Variants in GSG1L observed in about 807,000 individuals in gnomAD.
GSG1L encodes the protein germ cell-specific gene 1-like protein.
Under a neutral mutation model 42.1 loss-of-function variants are expected in GSG1L, and 24 were observed. The ratio of observed to expected loss-of-function variants is 0.57; its 90% CI spans 0.41 to 0.80. The LOEUF (loss-of-function observed/expected upper bound fraction) is 0.80, where lower values mean the gene tolerates loss of function less well. Among genes scored for constraint, GSG1L ranks in the 30% least tolerant of loss-of-function variants. The probability of loss-of-function intolerance (pLI) is 0.00; values close to 1 mark genes in which losing one functional copy is unlikely to be tolerated. For missense variants in GSG1L, 445 were observed against 472.2 expected, an observed-to-expected ratio of 0.94 and a Z score of 0.53; for synonymous variants, 215 against 203.5, an observed-to-expected ratio of 1.06 and a Z score of -0.48.
intron 1 of GSG1L, among the ~76,000 whole-genome samples, chr16:27,997,231 T>G (rs2085524973): frequency 6.6e-6 from 1 of 151,270 alleles, no homozygotes; most frequent in African/African-American, 2.4e-5. Flanking sequence ...TTCCCAATAT[T>G]CGAAACCAGC....
intron 5 of GSG1L, among the ~76,000 whole-genome samples, chr16:27,820,402 C>A (rs1052281377): frequency 2.6e-5 from 4 of 151,860 alleles, no homozygotes. Context: ...AGGTGGGTGC[C>A]GTGCCAGGCT....
chr16:27,975,419 C>T (rs1320242496), intron 1 of GSG1L, among the ~76,000 whole-genome samples: 1 of 152,148 alleles, frequency 6.6e-6, no homozygotes, highest in Admixed American at 6.5e-5. Context: ...CCGCATCATG[C>T]TTATTCCTGC....
At position 27,981,573 on chromosome 16, in the gene GSG1L, G is replaced by C. The variant is rs372152444; in HGVS notation, c.350-18370C>G. Among the ~76,000 whole-genome samples, 4 of 152,188 alleles carry C rather than the reference G, an allele frequency of 2.6e-5. No homozygotes were observed. In the East Asian group the frequency reaches 7.7e-4, roughly 29 times the overall value. ...GGCAGCAGATGGCACACACTTCTCT[G>C]CTGATGATATTTTGATTTATTTATC... On this transcript the variant is annotated intron_variant, in intron 1 of 6. Transcript: ENST00000447459.
intron 1 of GSG1L, among the ~76,000 whole-genome samples, chr16:28,062,817 C>T (rs1469744241): frequency 6.6e-6 from 1 of 152,156 alleles, no homozygotes; most frequent in African/African-American, 2.4e-5. Flanking sequence ...TCCCCAAAGC[C>T]GCGGGGCGTC....
intron 1 of GSG1L, among the ~76,000 whole-genome samples, chr16:28,061,480 A>G (rs1228422997): frequency 6.6e-6 from 1 of 152,186 alleles, no homozygotes; most frequent in South Asian, 2.1e-4. Context: ...AGCCACCCCC[A>G]GAAGAGAGAC....
intron 2 of GSG1L, among the ~76,000 whole-genome samples, chr16:27,943,088 T>G (rs2084819421): frequency 6.6e-6 from 1 of 152,080 alleles, no homozygotes; most frequent in African/African-American, 2.4e-5. Flanking sequence ...AGGGTCTCAC[T>G]CTGTCACCCA....
Position 27,888,476 on chromosome 16 carries a change from C to CCT in GSG1L, c.398-3839_398-3838insAG, listed in dbSNP as rs1567505830. Among the ~76,000 whole-genome samples, 55 of 60,050 alleles carry CCT rather than the reference C, an allele frequency of 9.2e-4. 5 individuals are homozygous for CCT. Among genetic ancestry groups the CCT allele is most frequent in the African/African-American group, 2.5e-3 (46 of 18,456 alleles). 39.4% of individuals were successfully genotyped at this position (60,050 alleles called of 152,430 possible). The stretch of plus-strand genomic sequence containing the variant: ...TCTTTCTTTCTTTCTCTCTCTCTCT[C>CCT]TCTTTCCTTTCTTTCTTTCTTTCTT... On this transcript the variant is annotated intron_variant, in intron 2 of 6. Transcript: ENST00000447459.
intron 5 of GSG1L, among the ~76,000 whole-genome samples, chr16:27,824,968 A>G (rs145311568): frequency 2.7e-4 from 41 of 152,346 alleles, no homozygotes; most frequent in African/African-American, 8.9e-4. Context: ...CATGCTGGGC[A>G]TTGCCACCAT....
Position 28,058,189 on chromosome 16 carries a change from G to A in GSG1L, c.349+4887C>T, listed in dbSNP as rs981159056. On this transcript the variant is annotated intron_variant, in intron 1 of 6. Coordinates refer to ENST00000447459, the MANE Select transcript of GSG1L (RefSeq NM_001109763.2). ...CAAGAGCCAGGCTCCGGAGCCTCCC[G>A]CCTGGGTGCACATCCAGCTTTGCCA... Among the ~76,000 whole-genome samples, 5 of 152,148 alleles carry A rather than the reference G, an allele frequency of 3.3e-5. No homozygotes were observed. In the South Asian group the frequency reaches 6.2e-4, roughly 19 times the overall value.
chr16:27,894,498 A>T (rs2141035889), intron 2 of GSG1L, among the ~76,000 whole-genome samples: 1 of 152,344 alleles, frequency 6.6e-6, no homozygotes, highest in Non-Finnish European at 1.5e-5. Flanking sequence ...TCAGTTTAAT[A>T]CATCAAATCA....
chr16:27,846,956 C>CAAAAAA (rs5816450), intron 3 of GSG1L, among the ~76,000 whole-genome samples: 1 of 113,530 alleles, frequency 8.8e-6, no homozygotes, highest in Non-Finnish European at 1.8e-5. Flanking sequence ...GACTCCGTCT[C>CAAAAAA]AAAAAAAAAA....
chr16:28,034,246 TCCCATCCCATC>T (rs2141178559), intron 1 of GSG1L, among the ~76,000 whole-genome samples: 1 of 99,300 alleles, frequency 1.0e-5, no homozygotes, highest in South Asian at 3.7e-4. Context: ...TCCCATCCCA[TCCCATCCCATC>T]CCATCCCATC....
intron 1 of GSG1L, among the ~76,000 whole-genome samples, chr16:27,979,731 GA>G (rs745860945): frequency 5.6e-5 from 2 of 35,656 alleles, no homozygotes; most frequent in African/African-American, 2.0e-4. Context: ...AGGAAGGAAA[GA>G]AAAAGAAAGA....
At chr16:27,915,723 C>T (rs2084447609) in intron 2 of GSG1L, among the ~76,000 whole-genome samples, 1 of 152,166 alleles carries the variant, frequency 6.6e-6, no homozygotes, top group Non-Finnish European at 1.5e-5. Flanking sequence ...CTGCAGTGAG[C>T]TATGACTATG....
chr16:27,906,357 A>G (rs536225521), intron 2 of GSG1L, among the ~76,000 whole-genome samples: 6 of 152,294 alleles, frequency 3.9e-5, no homozygotes, highest in South Asian at 2.1e-4. Context: ...AACATTTACA[A>G]ACTTCTCACT....
In GSG1L at chr16:27,884,798, C is replaced by T. The variant is rs1452249197; in HGVS notation, c.398-160G>A. Among the ~76,000 whole-genome samples, 2 of 152,210 alleles carry T rather than the reference C, an allele frequency of 1.3e-5. No homozygotes were observed. Among genetic ancestry groups the T allele is most frequent in the African/African-American group, 2.4e-5 (1 of 41,456 alleles). On this transcript the variant is annotated intron_variant, in intron 2 of 6. Transcript: ENST00000447459. This position sits in a 1 kb window ranked among gnomAD's most constrained non-coding sequence, Gnocchi z 4.4. Reference sequence around the variant, plus strand: ...TGGAAGCCTGTCATGGCCGTCCCATCCTTGTCTGCAGGGGCCGGCTCAGGG... The same window carrying T: ...TGGAAGCCTGTCATGGCCGTCCCATTCTTGTCTGCAGGGGCCGGCTCAGGG...
chr16:27,850,441 C>T (rs9923711), intron 3 of GSG1L: 220,211 of 446,198 alleles, frequency 0.49, 54,729 homozygotes, highest in African/African-American at 0.53. Context: ...CATCTGCATG[C>T]GAATGATAAA....
intron 1 of GSG1L, among the ~76,000 whole-genome samples, chr16:27,997,752 TGTGTAGCA>T (rs948042220): frequency 6.6e-6 from 1 of 152,010 alleles, no homozygotes; most frequent in Non-Finnish European, 1.5e-5. Context: ...ATGGATGAAT[TGTGTAGCA>T]GTGAAGCCTC....
At chr16:27,926,541 C>T (rs1480705875) in intron 2 of GSG1L, among the ~76,000 whole-genome samples, 1 of 151,672 alleles carries the variant, frequency 6.6e-6, no homozygotes, top group Non-Finnish European at 1.5e-5. Flanking sequence ...AAAAACAAAA[C>T]TAGCTGGGCA....
Sources: allele counts gnomAD v4.1 joint callset (sites outside exome capture counted in the v4.1 genomes callset), GRCh38; gene constraint gnomAD v4.1.1; non-coding constraint Gnocchi (gnomAD v3.1); transcripts MANE v1.5; gene names NCBI Gene and HGNC (gene_info 2026-07-23, HGNC 2026-07-21).